AIDA: variants seen among roughly 807,000 people sequenced by gnomAD.
AIDA encodes axin interactor, dorsalization-associated protein.
A neutral mutation model predicts 42.7 loss-of-function variants in AIDA; 18 were observed. The ratio of observed to expected loss-of-function variants is 0.42; its 90% confidence interval spans 0.29 to 0.63. The LOEUF (loss-of-function observed/expected upper bound fraction) is 0.63. Among genes scored for constraint, AIDA ranks in the 20% least tolerant of loss-of-function variants. The pLI, the probability that AIDA is intolerant of heterozygous loss-of-function variation, is 0.19. For synonymous variants in AIDA, 104 were observed against 122.9 expected, an observed-to-expected ratio of 0.85 and a Z score of 1.02; for missense variants, 250 against 354.1, an observed-to-expected ratio of 0.71 and a Z score of 2.36.
intron 2 of AIDA, among the ~76,000 whole-genome samples, chr1:222,697,882 T>A (rs1375857645): frequency 6.6e-6 from 1 of 151,114 alleles, no homozygotes; most frequent in Non-Finnish European, 1.5e-5. Flanking sequence ...AGGGTAAGGG[T>A]GGAAAGGAGA....
chr1:222,711,017 G>C (rs950202542), intron 1 of AIDA, among the ~76,000 whole-genome samples: 1 of 150,998 alleles, frequency 6.6e-6, no homozygotes, highest in Non-Finnish European at 1.5e-5. Flanking sequence ...ACTATTGCGG[G>C]GAGACGATAA....
chr1:222,697,639 G>A (rs1655559653), intron 2 of AIDA, among the ~76,000 whole-genome samples: 1 of 152,008 alleles, frequency 6.6e-6, no homozygotes, highest in African/African-American at 2.4e-5. Flanking sequence ...AAAATTGACA[G>A]CTCAAAAGAT....
intron 7 of AIDA, among the ~76,000 whole-genome samples, chr1:222,675,640 T>C (rs1227872064): frequency 2.0e-5 from 3 of 152,218 alleles, no homozygotes; most frequent in Admixed American, 2.0e-4. Context: ...TCCACCTTTG[T>C]AGGACTCTCC....
Position 222,686,942 on chromosome 1 carries a change from C to A in AIDA, c.448G>T (p.Ala150Ser). 1 of 1,613,542 alleles carries A rather than the reference C, an allele frequency of 6.2e-7. No individual in the cohort carries two copies. Among genetic ancestry groups the A allele is most frequent in the Non-Finnish European group, 8.5e-7 (1 of 1,179,856 alleles). ...AGAGSPDSFPARVPGTLLPRL... is the reference protein window; with the variant it reads ...AGAGSPDSFPSRVPGTLLPRL... Reference sequence around the variant, plus strand: ...AAGTGATACCTACCGGGAACTCTAGCAGGAAAAGAATCAGGAGACCCTGCT... The same window carrying A: ...AAGTGATACCTACCGGGAACTCTAGAAGGAAAAGAATCAGGAGACCCTGCT... Residue 150 changes from alanine to serine, a missense_variant, in exon 6 of 10, where the codon GCT (alanine) becomes TCT (serine). By Grantham distance (99) the Ala-to-Ser change is moderately conservative. Around this residue, in one of 4 missense-constraint regions of AIDA, gnomAD observed 199 missense variants for 232.6 expected, o/e 0.86. Transcript: ENST00000340020.
chr1:222,689,471 G>A (rs1272624146), intron 4 of AIDA, among the ~76,000 whole-genome samples: 24 of 37,972 alleles, frequency 6.3e-4, no homozygotes, highest in East Asian at 1.2e-3. Flanking sequence ...AAATATGTAT[G>A]TGTGTGTGTG....
intron 4 of AIDA, among the ~76,000 whole-genome samples, chr1:222,689,520 T>TATATATACATAC (rs765351898): frequency 1.4e-4 from 8 of 58,110 alleles, no homozygotes; most frequent in East Asian, 4.4e-4. Flanking sequence ...TATATATATA[T>TATATATACATAC]ACACACATAC....
At chr1:222,671,097 C>T (rs1003181900) in intron 8 of AIDA, among the ~76,000 whole-genome samples, 1 of 151,898 alleles carries the variant, frequency 6.6e-6, no homozygotes, top group Non-Finnish European at 1.5e-5. Context: ...CTCGGTGGCA[C>T]GTGCCTGTAC....
chr1:222,677,061 T>A (rs1347051539), intron 6 of AIDA, among the ~76,000 whole-genome samples: 3 of 152,166 alleles, frequency 2.0e-5, no homozygotes, highest in Non-Finnish European at 2.9e-5. Flanking sequence ...TAAAGACTTC[T>A]TAATTTTCTC....
intron 2 of AIDA, among the ~76,000 whole-genome samples, chr1:222,700,284 G>A (rs1200766947): frequency 1.3e-5 from 2 of 152,174 alleles, no homozygotes; most frequent in African/African-American, 2.4e-5. Flanking sequence ...CTTCAAAGTA[G>A]AGGACATGAG....
chr1:222,670,322 C>A, intron 8 of AIDA, 72 bp from the exon 9 acceptor site: 3 of 1,235,332 alleles, frequency 2.4e-6, no homozygotes, highest in South Asian at 1.3e-5. Flanking sequence ...TTTCTTTGAT[C>A]ACCAGAAGCA....
At chr1:222,675,428 G>T (rs78821189) in intron 7 of AIDA, among the ~76,000 whole-genome samples, 5,305 of 152,156 alleles carry the variant, frequency 0.035, 518 homozygotes, top group East Asian at 0.2. Flanking sequence ...TGTTTTTAAG[G>T]AATAAATGAA....
chr1:222,684,367 C>T (rs1409835337), intron 6 of AIDA, among the ~76,000 whole-genome samples: 6 of 152,138 alleles, frequency 3.9e-5, no homozygotes, highest in Admixed American at 3.3e-4. Flanking sequence ...CTGCCTCGGC[C>T]TCCCAAAGTC....
At chr1:222,700,971 T>TGGGG (rs769851386) in intron 2 of AIDA, among the ~76,000 whole-genome samples, 18 of 105,028 alleles carry the variant, frequency 1.7e-4, no homozygotes, top group African/African-American at 7.0e-4. Context: ...TGATTTTTTT[T>TGGGG]GGGGGGGGGG....
Position 222,696,890 on chromosome 1 carries a change from C to T in AIDA, c.181-2627G>A, listed in dbSNP as rs1655534266. 3.3e-5 allele frequency among the ~76,000 whole-genome samples: 5 copies of T among 152,160 alleles called. No individual in the cohort carries two copies. The South Asian group carries it at 1.0e-3, about 31-fold the overall frequency. On this transcript the variant is annotated intron_variant, in intron 2 of 9. Coordinates refer to ENST00000340020, the MANE Select transcript of AIDA (RefSeq NM_022831.4). ...TAACAACTATGAGTCCACCAATAAA[C>T]TATTTTAAATTTAAACATTTCTTGA...
chr1:222,674,698 T>C (rs758383582), intron 7 of AIDA, among the ~76,000 whole-genome samples: 1 of 152,366 alleles, frequency 6.6e-6, no homozygotes, highest in African/African-American at 2.4e-5. Context: ...ATGGTTTTAA[T>C]TTCCTGGACC....
chr1:222,670,005 A>T lies in AIDA; in HGVS notation c.825-16T>A. 3 of 1,613,880 alleles carry T rather than the reference A, an allele frequency of 1.9e-6. No individual in the cohort carries two copies. The highest frequency in any genetic ancestry group is 2.5e-6 in the Non-Finnish European group (3 of 1,179,924). The stretch of plus-strand genomic sequence containing the variant: ...TTTCTTGTATCTGTAATCACAACAG[A>T]AAGACCATTGTTTAAAATACATTGA... On this transcript the variant is annotated splice_polypyrimidine_tract_variant and intron_variant, in intron 9 of 9. Transcript: ENST00000340020.
chr1:222,683,158 C>G (rs944761843), intron 6 of AIDA, among the ~76,000 whole-genome samples: 4 of 152,080 alleles, frequency 2.6e-5, no homozygotes, highest in Non-Finnish European at 4.4e-5. Context: ...GAAATAATAT[C>G]GTATGTAGGT....
chr1:222,697,385 T>TA (rs531543757), intron 2 of AIDA, among the ~76,000 whole-genome samples: 1 of 97,740 alleles, frequency 1.0e-5, no homozygotes, highest in East Asian at 2.9e-4. Flanking sequence ...CATTAACTTC[T>TA]AAAACATTTA....
At chr1:222,683,854 A>C (rs1664694997) in intron 6 of AIDA, among the ~76,000 whole-genome samples, 1 of 152,212 alleles carries the variant, frequency 6.6e-6, no homozygotes, top group African/African-American at 2.4e-5. Context: ...TGTCTTAAAA[A>C]ATTTAAATAT....
Sources: allele counts gnomAD v4.1 joint callset (sites outside exome capture counted in the v4.1 genomes callset), GRCh38; gene constraint gnomAD v4.1.1; regional missense constraint gnomAD v4.1.1; transcripts MANE v1.5; gene names NCBI Gene and HGNC (gene_info 2026-07-23, HGNC 2026-07-21).